ZMYM4: variants seen among roughly 807,000 people sequenced by gnomAD.
The protein encoded by ZMYM4 is zinc finger MYM-type protein 4.
ZMYM4 carries 31 observed loss-of-function variants against 183.2 expected under a neutral mutation model. The ratio of observed to expected loss-of-function variants is 0.17; its 90% confidence interval spans 0.13 to 0.23. The LOEUF (loss-of-function observed/expected upper bound fraction) is 0.23, where lower values mean the gene tolerates loss of function less well. Ranked by LOEUF, ZMYM4 falls within the 10% of genes least tolerant of loss-of-function variation. The probability of loss-of-function intolerance (pLI) is 1.00; values close to 1 mark genes in which losing one functional copy is unlikely to be tolerated. For synonymous variants in ZMYM4, 592 were observed against 631.2 expected (o/e 0.94, Z 0.93); for missense variants, 1,273 against 1,840.3 (o/e 0.69, Z 5.64).
At chr1:35,315,142 T>C (rs568639736) in intron 1 of ZMYM4, among the ~76,000 whole-genome samples, 1 of 152,118 alleles carries the variant, frequency 6.6e-6, no homozygotes, top group Non-Finnish European at 1.5e-5. Context: ...AGTGATACAT[T>C]TCGACTATTT....
Position 35,268,916 on chromosome 1 carries a change from C to CGCAAGGCCCG in ZMYM4, c.-128_-119dup, listed in dbSNP as rs1553159718. The CGCAAGGCCCG allele has an allele frequency of 9.2e-7, 1 of 1,090,986 alleles. No individual in the cohort carries two copies. Among genetic ancestry groups the CGCAAGGCCCG allele is most frequent in the Non-Finnish European group, 1.2e-6 (1 of 844,956 alleles). 67.6% of individuals were successfully genotyped at this position (1,090,986 alleles called of 1,614,324 possible). A position where few individuals can be genotyped will look rare whatever the true frequency, so the allele number is the denominator to read the frequency against. On this transcript the variant is annotated 5_prime_UTR_variant, in exon 1 of 30. Transcript: ENST00000314607. ...GCATCCGCCCCCTCCCCACTCTCGG[C>CGCAAGGCCCG]GCAAGGCCCGGCCGGGTCCGGGGAA...
intron 1 of ZMYM4, among the ~76,000 whole-genome samples, chr1:35,277,374 G>A (rs995498671): frequency 1.8e-4 from 27 of 152,302 alleles, no homozygotes; most frequent in African/African-American, 6.5e-4. Flanking sequence ...GAGAATGAAA[G>A]GGGGTGCTAT....
At chr1:35,302,479 G>A (rs551181551) in intron 1 of ZMYM4, among the ~76,000 whole-genome samples, 20 of 146,444 alleles carry the variant, frequency 1.4e-4, no homozygotes, top group African/African-American at 5.1e-4. Flanking sequence ...TCCGCCTCCC[G>A]GTTTCATGCC....
chr1:35,339,585 AT>A (rs1408143155), intron 2 of ZMYM4, among the ~76,000 whole-genome samples: 1 of 152,176 alleles, frequency 6.6e-6, no homozygotes, highest in East Asian at 1.9e-4. Context: ...ATGTGTATAG[AT>A]TATGTGCAAA....
chr1:35,387,012 A>G lies in ZMYM4; in HGVS notation c.1846A>G (p.Asn616Asp), dbSNP rs1403489727. ...SCVVAFQNLF[N>D]KPTGMNSSVV... ...TGTTTTGTTTTTCCAGAATTTATTC[A>G]ACAAACCAACTGGAATGAATTCTTC... is the stretch of plus-strand genomic sequence containing the variant. The change falls in exon 12 of 30, where the codon AAC becomes GAC. Residue 616 changes from asparagine (N) to aspartate (D), a missense_variant. Asn to Asp is a conservative substitution (Grantham distance 23). Coordinates refer to ENST00000314607, the MANE Select transcript of ZMYM4 (RefSeq NM_005095.3). The G allele has an allele frequency of 1.2e-6, 2 of 1,612,434 alleles. No homozygotes were observed. The highest frequency in any genetic ancestry group is 1.7e-6 in the Non-Finnish European group (2 of 1,178,768).
Position 35,381,251 on chromosome 1 carries a change from AT to A in ZMYM4, c.1182-3del, listed in dbSNP as rs1412445883. On this transcript the variant is annotated splice_region_variant and splice_polypyrimidine_tract_variant and intron_variant, in intron 7 of 29. Coordinates refer to ENST00000314607, the MANE Select transcript of ZMYM4 (RefSeq NM_005095.3). ...CCATGGCTTATGTTATTTTTTTCTT[AT>A]TTTTAGAGACATTTTAAATCCAAAG... The A allele has an allele frequency of 6.4e-7, 1 of 1,560,392 alleles. No homozygotes were observed. Among genetic ancestry groups the A allele is most frequent in the Non-Finnish European group, 8.6e-7 (1 of 1,156,212 alleles).
chr1:35,377,718 C>G (rs1282715279), intron 7 of ZMYM4, among the ~76,000 whole-genome samples: 1 of 152,158 alleles, frequency 6.6e-6, no homozygotes, highest in Admixed American at 6.5e-5. Context: ...TGTGAGCCTT[C>G]AGTGAGTCAT....
chr1:35,396,241 T>C (rs1303111616), intron 18 of ZMYM4, among the ~76,000 whole-genome samples: 1 of 152,200 alleles, frequency 6.6e-6, no homozygotes, highest in East Asian at 1.9e-4. Flanking sequence ...GCCTCCTCTT[T>C]AGCAAGTGGT....
intron 28 of ZMYM4, 46 bp from the exon 29 acceptor site, chr1:35,418,397 T>C (rs1463375947): frequency 5.0e-6 from 8 of 1,597,800 alleles, no homozygotes; most frequent in South Asian, 1.1e-5. Context: ...ACTCAAAGAA[T>C]AGACTTTTCT....
At chr1:35,398,804 G>A (rs1328266153) in intron 21 of ZMYM4, 60 bp from the exon 22 acceptor site, 14 of 1,570,488 alleles carry the variant, frequency 8.9e-6, no homozygotes, top group African/African-American at 2.7e-5. Context: ...GAAGTTTTCC[G>A]AGCATGTCAA....
intron 6 of ZMYM4, 76 bp from the exon 7 acceptor site, chr1:35,370,296 A>C: frequency 6.9e-7 from 1 of 1,444,748 alleles, no homozygotes; most frequent in Non-Finnish European, 9.1e-7. Flanking sequence ...AAGAATGTCT[A>C]CTTAAAATTC....
intron 23 of ZMYM4, among the ~76,000 whole-genome samples, chr1:35,403,838 G>C (rs1424515131): frequency 6.6e-6 from 1 of 151,838 alleles, no homozygotes; most frequent in Non-Finnish European, 1.5e-5. Context: ...TTTGTGGGAG[G>C]GTTTTAAGCT....
intron 7 of ZMYM4, among the ~76,000 whole-genome samples, chr1:35,378,428 A>T (rs185735513): frequency 1.9e-3 from 292 of 152,324 alleles, no homozygotes; most frequent in African/African-American, 6.7e-3. Context: ...TTCTTAAATA[A>T]TGAGTTGCAA....
At position 35,397,583 on chromosome 1, in the gene ZMYM4, C is replaced by T. The variant is rs182500480; in HGVS notation, c.3199+38C>T. 6.8e-5 allele frequency: 104 copies of T among 1,526,436 alleles called. No individual in the cohort carries two copies. The African/African-American group carries it at 1.1e-3, about 16-fold the overall frequency. 94.6% of individuals were successfully genotyped at this position (1,526,436 alleles called of 1,614,324 possible). A position where few individuals can be genotyped will look rare whatever the true frequency, so the allele number is the denominator to read the frequency against. ...TTTAAAAGTAAAGAAAGAAAAAACACGTTTTACACATTTTCAGGTGACTCA... is the reference window on the plus strand; with the variant it reads ...TTTAAAAGTAAAGAAAGAAAAAACATGTTTTACACATTTTCAGGTGACTCA... On this transcript the variant is annotated intron_variant, in intron 20 of 29. Transcript: ENST00000314607.
intron 23 of ZMYM4, chr1:35,399,883 T>G: frequency 4.5e-6 from 1 of 224,386 alleles, no homozygotes; most frequent in Non-Finnish European, 8.9e-6. Context: ...TTTTACATGT[T>G]ATAATACTGA....
chr1:35,387,552 T>C lies in ZMYM4; in HGVS notation c.2211T>C (p.Ile737=). The part of the protein sequence containing the change: ...AMCEYCKIEK[I]VKETVRFSGA... ...GTGAATATTGTAAAATTGAGAAAAT[T>C]GTAAAGGAGACTGTTCGGTTCTCAG... Residue 737 remains isoleucine, a synonymous_variant, in exon 13 of 30, where the codon ATT becomes ATC. Transcript: ENST00000314607. 6.2e-7 allele frequency: 1 copy of C among 1,613,860 alleles called. No homozygotes were observed.
At chr1:35,406,507 T>C (rs1188626) in intron 25 of ZMYM4, among the ~76,000 whole-genome samples, 38,647 of 151,970 alleles carry the variant, frequency 0.25, 10,305 homozygotes, top group East Asian at 0.77. Flanking sequence ...AGCATCAGAG[T>C]GAGACCCTGT....
intron 26 of ZMYM4, among the ~76,000 whole-genome samples, chr1:35,411,256 C>G (rs1038190502): frequency 5.3e-5 from 8 of 150,776 alleles, no homozygotes; most frequent in Non-Finnish European, 1.2e-4. Flanking sequence ...CGGGTTCACG[C>G]CATTCTCCTG....
At chr1:35,341,402 A>G (rs1377948695) in intron 2 of ZMYM4, among the ~76,000 whole-genome samples, 2 of 152,092 alleles carry the variant, frequency 1.3e-5, no homozygotes, top group African/African-American at 4.8e-5. Context: ...AAATCTTAGC[A>G]TACAGATCTT....
Sources: gnomAD v4.1 joint callset for allele counts (sites outside exome capture counted in the v4.1 genomes callset) on GRCh38, gnomAD v4.1.1 for gene constraint, MANE v1.5 for transcripts, NCBI Gene and HGNC (gene_info 2026-07-23, HGNC 2026-07-21) for gene names.